The following IL1RAPL1 variants were observed in gnomAD, a reference collection of about 807,000 sequenced individuals.
The protein encoded by IL1RAPL1 is interleukin 1 receptor accessory protein like 1, also known as interleukin-1 receptor accessory protein-like 1.
A neutral mutation model predicts 48.4 loss-of-function variants in IL1RAPL1; 3 were observed. The ratio of observed to expected loss-of-function variants is 0.06; its 90% CI spans 0.03 to 0.16. The LOEUF (loss-of-function observed/expected upper bound fraction) is 0.16. IL1RAPL1 is among the 10% of genes least tolerant of loss of function. The probability of loss-of-function intolerance (pLI) is 1.00; values close to 1 mark genes in which losing one functional copy is unlikely to be tolerated. For synonymous variants in IL1RAPL1, 185 were observed against 187.7 expected (o/e 0.99, Z 0.12); for missense variants, 349 against 530.6 (o/e 0.66, Z 3.36).
chrX:29,063,229 A>C (rs776288130), intron 2 of IL1RAPL1, among the ~76,000 whole-genome samples: 2 of 111,767 alleles, frequency 1.8e-5, no homozygotes, highest in South Asian at 7.3e-4. Flanking sequence ...TTTTAACTTA[A>C]ATATTTATTA....
At chrX:29,379,621 C>T (rs1250007917) in intron 3 of IL1RAPL1, among the ~76,000 whole-genome samples, 3 of 111,806 alleles carry the variant, frequency 2.7e-5, no homozygotes, top group South Asian at 3.8e-4. Context: ...CCCACAGCTT[C>T]TTTACTCACC....
rs375590826 is a variant in IL1RAPL1 at position 29,336,304 on chromosome X, GGTGTGTGTGTGTGT to G, written c.362+53118_362+53131del. On this transcript the variant is annotated intron_variant, in intron 3 of 10. Transcript: ENST00000378993. The stretch of plus-strand genomic sequence containing the variant: ...TATATATATATATGCACCGTTTTGG[GGTGTGTGTGTGTGT>G]GTGTGTGTGTGTGTGTGTGTGTGTG... Among the ~76,000 whole-genome samples the G allele has an allele frequency of 1.4e-3, 102 of 70,848 alleles. 5 individuals carry two copies. The highest frequency in any genetic ancestry group is 4.8e-3 in the African/African-American group (89 of 18,617). 61.5% of individuals were successfully genotyped at this position (70,848 alleles called of 115,157 possible). A position where few individuals can be genotyped will look rare whatever the true frequency, so the allele number is the denominator to read the frequency against.
intron 2 of IL1RAPL1, among the ~76,000 whole-genome samples, chrX:28,943,145 G>A (rs1368804838): frequency 9.5e-6 from 1 of 105,423 alleles, no homozygotes; most frequent in Non-Finnish European, 2.0e-5. Flanking sequence ...TTCCAGATAC[G>A]TTATGTGATA....
chrX:28,905,935 G>A (rs1182125247), intron 2 of IL1RAPL1, among the ~76,000 whole-genome samples: 2 of 111,743 alleles, frequency 1.8e-5, no homozygotes, highest in South Asian at 3.7e-4. Context: ...TAGTCCAGAC[G>A]TTCTCACACT....
chrX:29,166,038 A>G (rs1343362299), intron 2 of IL1RAPL1, among the ~76,000 whole-genome samples: 4 of 112,849 alleles, frequency 3.5e-5, no homozygotes, highest in Non-Finnish European at 7.5e-5. Flanking sequence ...CACATTGTCT[A>G]TATGTAAAAA....
intron 7 of IL1RAPL1, among the ~76,000 whole-genome samples, chrX:29,919,123 C>T (rs1932826616): frequency 8.9e-6 from 1 of 112,058 alleles, no homozygotes; most frequent in Non-Finnish European, 1.9e-5. Context: ...GAATATTGTA[C>T]TCTAGAATGC....
chrX:29,785,559 A>C (rs959998127), intron 6 of IL1RAPL1, among the ~76,000 whole-genome samples: 1 of 112,254 alleles, frequency 8.9e-6, no homozygotes, highest in Non-Finnish European at 1.9e-5. Context: ...GTAATCCCAG[A>C]TGTGTATCCC....
chrX:29,076,135 ATTCT>A (rs1407253114), intron 2 of IL1RAPL1, among the ~76,000 whole-genome samples: 1 of 111,927 alleles, frequency 8.9e-6, no homozygotes, highest in Non-Finnish European at 1.9e-5. Flanking sequence ...TAAAGGTGTT[ATTCT>A]TTCTTTCCTA....
chrX:28,699,389 T>C (rs1485429412), intron 1 of IL1RAPL1, among the ~76,000 whole-genome samples: 1 of 112,320 alleles, frequency 8.9e-6, no homozygotes, highest in East Asian at 2.8e-4. Context: ...ATATTCTAGG[T>C]TTCATCAAAA....
At chrX:29,766,343 ATAT>A (rs1291764400) in intron 6 of IL1RAPL1, among the ~76,000 whole-genome samples, 1,253 of 47,777 alleles carry the variant, frequency 0.026, 36 homozygotes, top group South Asian at 0.042. Flanking sequence ...AAAAAAAAAA[ATAT>A]ATATATATAT....
At chrX:29,581,732 C>T (rs1443735484) in intron 5 of IL1RAPL1, among the ~76,000 whole-genome samples, 1 of 110,276 alleles carries the variant, frequency 9.1e-6, no homozygotes, top group Non-Finnish European at 1.9e-5. Flanking sequence ...GAATAGGAAG[C>T]ATATCTCTTG....
At chrX:29,651,484 T>A (rs184771241) in intron 5 of IL1RAPL1, among the ~76,000 whole-genome samples, 1 of 111,306 alleles carries the variant, frequency 9.0e-6, no homozygotes, top group African/African-American at 3.3e-5. Context: ...TAGATGAATC[T>A]GGAAGGCATA....
At chrX:29,160,891 TAA>T (rs1929669923) in intron 2 of IL1RAPL1, among the ~76,000 whole-genome samples, 1 of 111,593 alleles carries the variant, frequency 9.0e-6, no homozygotes, top group African/African-American at 3.3e-5. Flanking sequence ...CTGTCTCTAC[TAA>T]AAATACAGAA....
At chrX:28,828,307 G>C (rs1215687293) in intron 2 of IL1RAPL1, among the ~76,000 whole-genome samples, 1 of 111,755 alleles carries the variant, frequency 8.9e-6, no homozygotes, top group Admixed American at 9.5e-5. Flanking sequence ...ATCATTTCAA[G>C]TAATTTTAAA....
At position 28,780,125 on chromosome X, in the gene IL1RAPL1, A is replaced by G. The variant is rs1269141428; in HGVS notation, c.-24-9195A>G. 3.6e-5 allele frequency among the ~76,000 whole-genome samples: 4 copies of G among 111,382 alleles called. No individual in the cohort carries two copies. In the Admixed American group the frequency reaches 3.8e-4, roughly 11 times the overall value. On this transcript the variant is annotated intron_variant, in intron 1 of 10. Coordinates refer to ENST00000378993, the MANE Select transcript of IL1RAPL1 (RefSeq NM_014271.4). ...GTTCACTGTATCTTTACAGAGATAT[A>G]AAATAGCTTATTCAAAAGCAAAGTT...
At chrX:29,529,879 A>G (rs1935595780) in intron 5 of IL1RAPL1, among the ~76,000 whole-genome samples, 1 of 111,701 alleles carries the variant, frequency 9.0e-6, no homozygotes, top group Non-Finnish European at 1.9e-5. Context: ...ATTGGTGAAT[A>G]TTTGTGAAGT....
chrX:29,224,487 G>A (rs948062511), intron 2 of IL1RAPL1, among the ~76,000 whole-genome samples: 2 of 111,364 alleles, frequency 1.8e-5, no homozygotes, highest in East Asian at 5.6e-4. Context: ...GCACTTGTTT[G>A]TATAGTTTTT....
At chrX:29,446,090 A>T (rs890904902) in intron 5 of IL1RAPL1, among the ~76,000 whole-genome samples, 4 of 112,266 alleles carry the variant, frequency 3.6e-5, no homozygotes, top group African/African-American at 6.5e-5. Context: ...AAAACAGTAC[A>T]GTTGTCCAAG....
chrX:29,292,864 A>G (rs1932391942), intron 3 of IL1RAPL1, among the ~76,000 whole-genome samples: 1 of 111,852 alleles, frequency 8.9e-6, no homozygotes, highest in Non-Finnish European at 1.9e-5. Flanking sequence ...GTCATATACA[A>G]GTGAAAGTCT....
Sources: allele counts gnomAD v4.1 joint callset (sites outside exome capture counted in the v4.1 genomes callset), GRCh38; gene constraint gnomAD v4.1.1; transcripts MANE v1.5; gene names NCBI Gene and HGNC (gene_info 2026-07-23, HGNC 2026-07-21).